The following ZNF233 variants were observed in gnomAD, a reference collection of about 807,000 sequenced individuals.
ZNF233 encodes the protein zinc finger protein 233.
A neutral mutation model predicts 11.6 loss-of-function variants in ZNF233; 7 were observed. That is an observed-to-expected ratio of 0.60 (90% confidence interval 0.34 to 1.13). The LOEUF is 1.13. ZNF233 is among the 50% of genes most tolerant of loss of function. The probability of loss-of-function intolerance (pLI) is 0.03; values close to 1 mark genes in which losing one functional copy is unlikely to be tolerated. For synonymous variants in ZNF233, 226 were observed against 268.5 expected, an observed-to-expected ratio of 0.84 and a Z score of 1.55; for missense variants, 711 against 785.5, an observed-to-expected ratio of 0.91 and a Z score of 1.13.
Position 44,274,474 on chromosome 19 carries a change from C to G in ZNF233, c.1814C>G (p.Ser605Ter). ...EECRKGFIWN[S>*]YLHVHQRIHT... ...TGTAGGAAAGGCTTCATCTGGAACTCATATCTTCATGTTCATCAGAGGATC... is the reference window on the plus strand; with the variant it reads ...TGTAGGAAAGGCTTCATCTGGAACTGATATCTTCATGTTCATCAGAGGATC... Residue 605 changes from serine (S) to a stop codon, truncating the protein, a stop_gained, in exon 5 of 5, where the codon TCA (serine) becomes TGA (stop). Transcript: ENST00000683810. LOFTEE classifies it low-confidence loss of function (END_TRUNC). 1 of 1,614,050 alleles carries G rather than the reference C, an allele frequency of 6.2e-7. No homozygotes were observed. Among genetic ancestry groups the G allele is most frequent in the African/African-American group, 1.3e-5 (1 of 75,004 alleles).
At chr19:44,271,761 C>T (rs1030772509) in intron 4 of ZNF233, among the ~76,000 whole-genome samples, 13 of 152,028 alleles carry the variant, frequency 8.6e-5, no homozygotes, top group East Asian at 3.9e-4. Context: ...CCACCTGCCT[C>T]GGCCTTCCAA....
chr19:44,272,344 A>G (rs1253644944), intron 4 of ZNF233, among the ~76,000 whole-genome samples: 1 of 138,190 alleles, frequency 7.2e-6, no homozygotes, highest in African/African-American at 2.6e-5. Context: ...CAGTCTCAAA[A>G]AAAAAAAAAA....
chr19:44,266,031 T>C, intron 2 of ZNF233, 167 bp from the exon 3 acceptor site: 1 of 556,770 alleles, frequency 1.8e-6, no homozygotes, highest in Non-Finnish European at 2.9e-6. Flanking sequence ...AAGTAGTCTA[T>C]GAGATTGGCA....
At chr19:44,265,932 A>G (rs560382345) in intron 2 of ZNF233, among the ~76,000 whole-genome samples, 106 of 152,316 alleles carry the variant, frequency 7.0e-4, no homozygotes, top group Non-Finnish European at 1.3e-3. Flanking sequence ...GTGCTGGGGC[A>G]TTTACTGTTG....
intron 1 of ZNF233, among the ~76,000 whole-genome samples, chr19:44,262,455 C>G (rs1334960630): frequency 6.6e-6 from 1 of 152,196 alleles, no homozygotes; most frequent in Non-Finnish European, 1.5e-5. Flanking sequence ...GCCAGGCACC[C>G]CAAACCCCAT....
chr19:44,273,662 A>T lies in ZNF233; in HGVS notation c.1002A>T (p.Arg334Ser), dbSNP rs1243413997. The change falls in exon 5 of 5, where the codon AGA (arginine) becomes AGT (serine). Residue 334 changes from arginine to serine, a missense_variant. Transcript: ENST00000683810. ...GCTCACATCTGCAACCTCATCAGAG[A>T]GTCAGCACAGGAGAGAACCTCTACA... ...SQGSHLQPHQ[R>S]VSTGENLYRC... 2 of 1,613,976 alleles carry T rather than the reference A, an allele frequency of 1.2e-6. No individual in the cohort carries two copies. The highest frequency in any genetic ancestry group is 1.7e-6 in the Non-Finnish European group (2 of 1,179,990).
At chr19:44,264,812 TTATG>T (rs1975026594) in intron 2 of ZNF233, among the ~76,000 whole-genome samples, 1 of 152,218 alleles carries the variant, frequency 6.6e-6, no homozygotes, top group Non-Finnish European at 1.5e-5. Flanking sequence ...TAGTGTTCCT[TTATG>T]TATTTGTCTC....
chr19:44,263,206 A>G (rs2123038669), intron 1 of ZNF233, among the ~76,000 whole-genome samples: 1 of 152,324 alleles, frequency 6.6e-6, no homozygotes, highest in South Asian at 2.1e-4. Flanking sequence ...AAAGTGTGCA[A>G]TTCGGTGGTA....
chr19:44,273,451 G>T lies in ZNF233; in HGVS notation c.791G>T (p.Gly264Val). The T allele has an allele frequency of 6.2e-7, 1 of 1,614,196 alleles. No individual in the cohort carries two copies. Among genetic ancestry groups the T allele is most frequent in the South Asian group, 1.1e-5 (1 of 91,084 alleles). The change falls in exon 5 of 5, where the codon GGA (glycine) becomes GTA (valine). Residue 264 changes from glycine to valine, a missense_variant. By Grantham distance (109) the Gly-to-Val change is moderately radical. Coordinates refer to ENST00000683810, the MANE Select transcript of ZNF233 (RefSeq NM_001207005.2). ...GGAGAGCAAACCTCTGATGAAAATG[G>T]AAAAGGCTTAAGTGTTGGCTCTAAT... ...QSGEQTSDEN[G>V]KGLSVGSNLE... is the part of the protein sequence containing the mutation.
In ZNF233 at chr19:44,266,938, A is replaced by T. The variant is rs1298133345; in HGVS notation, c.215A>T (p.Glu72Val). Residue 72 changes from glutamate to valine, a missense_variant, in exon 4 of 5, where the codon GAA becomes GTA. By Grantham distance (121) the Glu-to-Val change is moderately radical. Coordinates refer to ENST00000683810, the MANE Select transcript of ZNF233 (RefSeq NM_001207005.2). ...KEDKLRMMET[E>V]IQGDGCSGHK... is the part of the protein sequence containing the mutation. ...GACAAGCTTCGGATGATGGAGACAG[A>T]AATCCAAGGAGATGGGTGTTCAGGT... The T allele has an allele frequency of 1.2e-6, 2 of 1,613,898 alleles. No individual in the cohort carries two copies. Among genetic ancestry groups the T allele is most frequent in the African/African-American group, 2.7e-5 (2 of 74,930 alleles).
intron 4 of ZNF233, among the ~76,000 whole-genome samples, chr19:44,271,462 T>C (rs1468430047): frequency 1.3e-5 from 2 of 152,096 alleles, no homozygotes; most frequent in Non-Finnish European, 2.9e-5. Flanking sequence ...GGCTCACATA[T>C]AGCCAGGATT....
chr19:44,269,424 T>C (rs1975182873), intron 4 of ZNF233, among the ~76,000 whole-genome samples: 1 of 151,944 alleles, frequency 6.6e-6, no homozygotes, highest in African/African-American at 2.4e-5. Context: ...GCCTCCCGAG[T>C]AGCAGGGACT....
chr19:44,266,203 G>A lies in ZNF233; in HGVS notation c.21G>A (p.Met7Ile). 6.2e-7 allele frequency: 1 copy of A among 1,608,820 alleles called. No individual in the cohort carries two copies. The highest frequency in any genetic ancestry group is 8.5e-7 in the Non-Finnish European group (1 of 1,177,306). Reference protein sequence around the residue: MTKFQEMVTFKDVAVVF... With the variant: MTKFQEIVTFKDVAVVF... ...ACATCTGCTTGATGTTGTAGGAGAT[G>A]GTGACATTCAAGGATGTGGCTGTGG... is the stretch of plus-strand genomic sequence containing the variant. Residue 7 changes from methionine (M) to isoleucine (I), a missense_variant, in exon 3 of 5, where the codon ATG (methionine) becomes ATA (isoleucine). By Grantham distance (10) the Met-to-Ile change is conservative. Transcript: ENST00000683810.
intron 1 of ZNF233, among the ~76,000 whole-genome samples, chr19:44,261,587 T>C (rs891669280): frequency 2.6e-5 from 4 of 151,278 alleles, no homozygotes; most frequent in East Asian, 1.9e-4. Context: ...TTAAAATAAA[T>C]AAATAGATAG....
chr19:44,259,909 G>C lies in ZNF233; in HGVS notation c.-77G>C, dbSNP rs1262717495. 1 of 456,176 alleles carries C rather than the reference G, an allele frequency of 2.2e-6. No individual in the cohort carries two copies. The highest frequency in any genetic ancestry group is 4.4e-6 in the Non-Finnish European group (1 of 226,790). The allele number at this position is 456,176 out of a possible 1,614,324, so 28.3% of individuals were successfully genotyped here. On this transcript the variant is annotated 5_prime_UTR_variant, in exon 1 of 5. Coordinates refer to ENST00000683810, the MANE Select transcript of ZNF233 (RefSeq NM_001207005.2). ...TTGTGTACTTCCGCTGCAGGAGGGC[G>C]AAGCAGCCGTCATCTATCCCCTCTG... is the stretch of plus-strand genomic sequence containing the variant.
intron 2 of ZNF233, among the ~76,000 whole-genome samples, chr19:44,264,862 G>T (rs1975028167): frequency 1.3e-5 from 2 of 151,942 alleles, no homozygotes; most frequent in African/African-American, 4.8e-5. Context: ...TTTTTCAGAG[G>T]CTACAAAACA....
chr19:44,265,362 TATATACAC>T (rs752701028), intron 2 of ZNF233, among the ~76,000 whole-genome samples: 3,679 of 87,610 alleles, frequency 0.042, 219 homozygotes, highest in Admixed American at 0.22. Flanking sequence ...CCATCATATA[TATATACAC>T]ACACACACAC....
In ZNF233 at chr19:44,274,461, T is replaced by G; in HGVS notation, c.1801T>G (p.Phe601Val). The change falls in exon 5 of 5, where the codon TTC becomes GTC. Residue 601 changes from phenylalanine (F) to valine (V), a missense_variant. Transcript: ENST00000683810. Reference protein sequence around the residue: ...PYKCEECRKGFIWNSYLHVHQ... With the variant: ...PYKCEECRKGVIWNSYLHVHQ... ...CAAATGTGAAGAATGTAGGAAAGGC[T>G]TCATCTGGAACTCATATCTTCATGT... The G allele has an allele frequency of 6.2e-7, 1 of 1,614,102 alleles. No homozygotes were observed. The highest frequency in any genetic ancestry group is 8.5e-7 in the Non-Finnish European group (1 of 1,179,978).
At chr19:44,263,154 A>G (rs952548923) in intron 1 of ZNF233, among the ~76,000 whole-genome samples, 5 of 152,248 alleles carry the variant, frequency 3.3e-5, no homozygotes, top group Non-Finnish European at 5.9e-5. Context: ...CCCCATTTAA[A>G]AAATTGAGTC....
Sources: allele counts gnomAD v4.1 joint callset (sites outside exome capture counted in the v4.1 genomes callset), GRCh38; gene constraint gnomAD v4.1.1; transcripts MANE v1.5; gene names NCBI Gene and HGNC (gene_info 2026-07-23, HGNC 2026-07-21).